SH3KBP1: variants seen among roughly 807,000 people sequenced by gnomAD.
The protein encoded by SH3KBP1 is SH3 domain-containing kinase-binding protein 1.
Under a neutral mutation model 50.1 loss-of-function variants are expected in SH3KBP1, and 8 were observed. That is an observed-to-expected ratio of 0.16 (90% CI 0.09 to 0.29). SH3KBP1 has a LOEUF of 0.29. Among genes scored for constraint, SH3KBP1 ranks in the 10% least tolerant of loss-of-function variants. The pLI, the probability that SH3KBP1 is intolerant of heterozygous loss-of-function variation, is 1.00. For synonymous variants in SH3KBP1, 227 were observed against 218.6 expected, an observed-to-expected ratio of 1.04 and a Z score of -0.34; for missense variants, 377 against 535.2, an observed-to-expected ratio of 0.70 and a Z score of 2.92.
Position 19,877,505 on chromosome X carries a change from T to C in SH3KBP1, c.4+9802A>G, listed in dbSNP as rs145869751. 8.1e-5 allele frequency among the ~76,000 whole-genome samples: 9 copies of C among 111,714 alleles called. No individual in the cohort carries two copies. In the East Asian group the frequency reaches 2.3e-3, roughly 28 times the overall value. On this transcript the variant is annotated intron_variant, in intron 1 of 17. Transcript: ENST00000397821. ...AAACCTAAGAACTAGCTGGAATAAT[T>C]AGACAGGACACTAAGCTAATTAAAG...
In SH3KBP1 at chrX:19,844,318, T is replaced by C. The variant is rs1189590013; in HGVS notation, c.5-8036A>G. 3.6e-5 allele frequency among the ~76,000 whole-genome samples: 4 copies of C among 111,721 alleles called. No homozygotes were observed. In the East Asian group the frequency reaches 1.1e-3, roughly 31 times the overall value. On this transcript the variant is annotated intron_variant, in intron 1 of 17. Transcript: ENST00000397821. ...TAGGTGCTCAATAAATGTTGGTGAC[T>C]GAGTGCACCATACGACACCAGGAGT...
chrX:19,700,823 T>A (rs1160422476), intron 4 of SH3KBP1, among the ~76,000 whole-genome samples: 4 of 111,953 alleles, frequency 3.6e-5, no homozygotes, highest in African/African-American at 1.3e-4. Flanking sequence ...CCCCTAATTC[T>A]TGTGTAGTTC....
intron 8 of SH3KBP1, among the ~76,000 whole-genome samples, chrX:19,618,032 C>T (rs780772481): frequency 8.9e-6 from 1 of 111,790 alleles, no homozygotes; most frequent in Admixed American, 9.5e-5. Flanking sequence ...TCATAGAAGA[C>T]AACCAAGGGC....
intron 8 of SH3KBP1, among the ~76,000 whole-genome samples, chrX:19,631,353 C>T (rs1231348783): frequency 1.8e-5 from 2 of 112,614 alleles, no homozygotes; most frequent in Non-Finnish European, 3.8e-5. Flanking sequence ...TGTTTATTTA[C>T]AGGGCTCTGG....
intron 2 of SH3KBP1, among the ~76,000 whole-genome samples, chrX:19,761,523 T>C (rs182573302): frequency 6.3e-5 from 7 of 111,995 alleles, no homozygotes; most frequent in East Asian, 5.6e-4. Context: ...ACATTAAGTA[T>C]AGATTAAAGC....
intron 7 of SH3KBP1, among the ~76,000 whole-genome samples, chrX:19,641,471 G>A (rs2061854460): frequency 8.9e-6 from 1 of 112,191 alleles, no homozygotes; most frequent in African/African-American, 3.2e-5. Flanking sequence ...ACTTGCTTCT[G>A]TAGAGATGCA....
Position 19,542,131 on chromosome X carries a change from C to A in SH3KBP1, c.1686G>T (p.Gly562=). ...KPGTMAAGGG[G]PAPLSSAAPS... The stretch of plus-strand genomic sequence containing the variant: ...GCGCCGCTGAGGACAGAGGGGCTGG[C>A]CCACCGCCACCTGCTGCCATGGTCC... The change falls in exon 16 of 18, where the codon GGG becomes GGT. Residue 562 remains glycine (G), a synonymous_variant. Transcript: ENST00000397821. 8.3e-7 allele frequency: 1 copy of A among 1,199,172 alleles called. No individual in the cohort carries two copies. Among genetic ancestry groups the A allele is most frequent in the Non-Finnish European group, 1.1e-6 (1 of 888,335 alleles).
At chrX:19,600,271 C>G (rs1029266310) in intron 9 of SH3KBP1, among the ~76,000 whole-genome samples, 7 of 110,105 alleles carry the variant, frequency 6.4e-5, no homozygotes, top group Non-Finnish European at 9.5e-5. Flanking sequence ...GTGGTCCCAT[C>G]TACTCGGGAG....
At chrX:19,627,451 T>A (rs2068056030) in intron 8 of SH3KBP1, among the ~76,000 whole-genome samples, 1 of 112,010 alleles carries the variant, frequency 8.9e-6, no homozygotes, top group Non-Finnish European at 1.9e-5. Context: ...AAGGCAGGGA[T>A]GGGGGTGGCA....
At chrX:19,673,059 C>T (rs2062839710) in intron 6 of SH3KBP1, among the ~76,000 whole-genome samples, 1 of 72,346 alleles carries the variant, frequency 1.4e-5, no homozygotes, top group East Asian at 3.8e-4. Flanking sequence ...GAGCAAGATT[C>T]TGTCTCAAAA....
rs754418627 is a variant in SH3KBP1 at position 19,600,386 on chromosome X, T to TA, written c.1006-5387dup. Among the ~76,000 whole-genome samples the TA allele has an allele frequency of 3.8e-3, 394 of 103,166 alleles. 1 individual carries two copies. The highest frequency in any genetic ancestry group is 0.011 in the African/African-American group (314 of 28,541). 89.6% of individuals were successfully genotyped at this position (103,166 alleles called of 115,157 possible). ...GCAACAGAGGGAAACCCTGTCTCAG[T>TA]AAAAAAAAAAATGAAACAAATTAAA... On this transcript the variant is annotated intron_variant, in intron 9 of 17. Coordinates refer to ENST00000397821, the MANE Select transcript of SH3KBP1 (RefSeq NM_031892.3).
At chrX:19,606,170 G>C (rs765018340) in intron 9 of SH3KBP1, among the ~76,000 whole-genome samples, 1 of 112,417 alleles carries the variant, frequency 8.9e-6, no homozygotes, top group Non-Finnish European at 1.9e-5. Flanking sequence ...CATCATCCCA[G>C]TAAATCTTCT....
intron 4 of SH3KBP1, among the ~76,000 whole-genome samples, chrX:19,706,621 G>A (rs1483494428): frequency 9.0e-6 from 1 of 110,771 alleles, no homozygotes; most frequent in African/African-American, 3.3e-5. Context: ...AAACTTGGTG[G>A]CACTGCGTTG....
chrX:19,619,348 C>T (rs1284573932), intron 8 of SH3KBP1, among the ~76,000 whole-genome samples: 1 of 112,635 alleles, frequency 8.9e-6, no homozygotes, highest in Non-Finnish European at 1.9e-5. Flanking sequence ...CTTATATAGA[C>T]AGGACCTTCC....
chrX:19,772,358 G>A (rs922049853), intron 2 of SH3KBP1, among the ~76,000 whole-genome samples: 3 of 111,223 alleles, frequency 2.7e-5, no homozygotes, highest in African/African-American at 9.8e-5. Context: ...TAACAGCTTT[G>A]GGAAGCTTTG....
intron 15 of SH3KBP1, among the ~76,000 whole-genome samples, chrX:19,543,507 GGA>G (rs1397997366): frequency 9.0e-6 from 1 of 111,284 alleles, no homozygotes; most frequent in African/African-American, 3.3e-5. Context: ...GTGGAGCCAG[GGA>G]GACAGAAAGC....
chrX:19,763,515 T>C (rs768894554), intron 2 of SH3KBP1, among the ~76,000 whole-genome samples: 2 of 112,492 alleles, frequency 1.8e-5, no homozygotes, highest in East Asian at 5.6e-4. Flanking sequence ...TCATTTCTAA[T>C]AGCTCTCTGT....
intron 2 of SH3KBP1, among the ~76,000 whole-genome samples, chrX:19,758,235 G>A (rs779649195): frequency 3.7e-5 from 4 of 106,940 alleles, no homozygotes; most frequent in Non-Finnish European, 7.7e-5. Context: ...GGCTGAGGCA[G>A]GAGAATCGCT....
intron 8 of SH3KBP1, among the ~76,000 whole-genome samples, chrX:19,620,788 T>C (rs747025104): frequency 3.6e-5 from 4 of 112,314 alleles, no homozygotes; most frequent in East Asian, 5.6e-4. Context: ...GTAGGAAAAA[T>C]AGACTAGCCA....
Sources: allele counts gnomAD v4.1 joint callset (sites outside exome capture counted in the v4.1 genomes callset), GRCh38; gene constraint gnomAD v4.1.1; transcripts MANE v1.5; gene names NCBI Gene and HGNC (gene_info 2026-07-23, HGNC 2026-07-21).